The following MED14 variants were observed in gnomAD, a reference collection of about 807,000 sequenced individuals.
MED14 encodes the protein mediator complex subunit 14.
MED14 carries 8 observed loss-of-function variants against 109.0 expected under a neutral mutation model. That is an observed-to-expected ratio of 0.07 (90% CI 0.04 to 0.13). MED14 has a LOEUF of 0.13. MED14 is among the 10% of genes least tolerant of loss of function. MED14 has a pLI of 1.00. For synonymous variants in MED14, 399 were observed against 408.7 expected (o/e 0.98, Z 0.29); for missense variants, 711 against 1,142.4 (o/e 0.62, Z 5.44).
chrX:40,663,272 A>G, intron 25 of MED14, 112 bp from the exon 26 acceptor site: 1 of 602,557 alleles, frequency 1.7e-6, no homozygotes, highest in Non-Finnish European at 2.6e-6. Flanking sequence ...GTACTGTTTT[A>G]GTTACTCCTT....
Position 40,688,477 on chromosome X carries a change from G to A in MED14, c.2034C>T (p.Phe678=). ...ACTTTAATAAGCGAATTGCATGGCT[G>A]AAGCCATCACCTTCCACTTGCACTC... The part of the protein sequence containing the change: ...HQGVQVEGDG[F]SHAIRLLKIP... Residue 678 remains phenylalanine, a synonymous_variant, in exon 16 of 31, where the codon TTC becomes TTT. Coordinates refer to ENST00000324817, the MANE Select transcript of MED14 (RefSeq NM_004229.4). The A allele has an allele frequency of 8.3e-7, 1 of 1,206,819 alleles. No individual in the cohort carries two copies. The highest frequency in any genetic ancestry group is 1.1e-6 in the Non-Finnish European group (1 of 890,776).
At chrX:40,662,853 T>A in intron 26 of MED14, 72 bp downstream of exon 26, 1 of 797,740 alleles carries the variant, frequency 1.3e-6, no homozygotes. Context: ...TTAGTTCAGA[T>A]CCTATCCTGC....
At chrX:40,655,830 TAA>T (rs1244394174) in intron 28 of MED14, among the ~76,000 whole-genome samples, 1 of 111,157 alleles carries the variant, frequency 9.0e-6, no homozygotes, top group East Asian at 2.8e-4. Flanking sequence ...AAACGCTAAC[TAA>T]AAAAAGAGTG....
At position 40,735,300 on chromosome X, in the gene MED14, G is replaced by A; in HGVS notation, c.113C>T (p.Ala38Val). 1 of 1,129,187 alleles carries A rather than the reference G, an allele frequency of 8.9e-7. No individual in the cohort carries two copies. The highest frequency in any genetic ancestry group is 1.9e-5 in the African/African-American group (1 of 53,323). 93.1% of individuals were successfully genotyped at this position (1,129,187 alleles called of 1,213,427 possible). Residue 38 changes from alanine (A) to valine (V), a missense_variant, in exon 1 of 31, where the codon GCG (alanine) becomes GTG (valine). Transcript: ENST00000324817. ...PAPPPPGAAV[A>V]AAAAAAASPG... is the part of the protein sequence containing the mutation. ...GCTAGCCGCAGCTGCAGCGGCCGCCGCCACGGCGGCTCCCGGGGGAGGAGG... is the reference window on the plus strand; with the variant it reads ...GCTAGCCGCAGCTGCAGCGGCCGCCACCACGGCGGCTCCCGGGGGAGGAGG...
Position 40,697,087 on chromosome X carries a change from A to C in MED14, c.1587T>G (p.Pro529=). Reference sequence around the variant, plus strand: ...GTTTATTCTTAGAAAGGTTTCCAATAGGATGAGTTGAGTAATTGGAAAGCT... The same window carrying C: ...GTTTATTCTTAGAAAGGTTTCCAATCGGATGAGTTGAGTAATTGGAAAGCT... ...TLQLSNYSTH[P]IGNLSKNKLF... The change falls in exon 13 of 31, where the codon CCT becomes CCG. Residue 529 remains proline, a synonymous_variant. Transcript: ENST00000324817. The C allele has an allele frequency of 8.4e-7, 1 of 1,191,603 alleles. No individual in the cohort carries two copies.
chrX:40,652,698 G>A (rs1928918894), intron 30 of MED14, among the ~76,000 whole-genome samples: 1 of 111,968 alleles, frequency 8.9e-6, no homozygotes, highest in South Asian at 3.7e-4. Context: ...TTGTGGGTGG[G>A]GAGGGTGCTG....
At chrX:40,664,944 ACT>A (rs2146624860) in intron 24 of MED14, among the ~76,000 whole-genome samples, 2 of 111,354 alleles carry the variant, frequency 1.8e-5, no homozygotes, top group African/African-American at 6.5e-5. Flanking sequence ...ATGAACCAAG[ACT>A]CAAGTTTTGA....
intron 26 of MED14, among the ~76,000 whole-genome samples, chrX:40,660,849 T>C (rs1237236107): frequency 1.8e-5 from 2 of 113,168 alleles, no homozygotes; most frequent in Non-Finnish European, 3.7e-5. Flanking sequence ...CAAATCTTAG[T>C]ATGAAGGTTG....
At chrX:40,730,319 C>A (rs1389513107) in intron 1 of MED14, among the ~76,000 whole-genome samples, 2 of 112,000 alleles carry the variant, frequency 1.8e-5, no homozygotes, top group African/African-American at 3.3e-5. Flanking sequence ...TAGGTGGGGG[C>A]TGGAAGGGCC....
Position 40,735,468 on chromosome X carries a change from C to G in MED14, c.-56G>C, listed in dbSNP as rs1326604015. 6 of 1,059,749 alleles carry G rather than the reference C, an allele frequency of 5.7e-6. No individual in the cohort carries two copies. Among genetic ancestry groups the G allele is most frequent in the African/African-American group, 5.5e-5 (3 of 54,492 alleles). 87.3% of individuals were successfully genotyped at this position (1,059,749 alleles called of 1,213,427 possible). A position where few individuals can be genotyped will look rare whatever the true frequency, so the allele number is the denominator to read the frequency against. The stretch of plus-strand genomic sequence containing the variant: ...CACACGATGCGGTCCTCGAGCCTCC[C>G]GGGCGCTCGGTCACCGCGCCGAAAC... On this transcript the variant is annotated 5_prime_UTR_variant, in exon 1 of 31. Coordinates refer to ENST00000324817, the MANE Select transcript of MED14 (RefSeq NM_004229.4).
At position 40,649,436 on chromosome X, in the gene MED14, A is replaced by G. The variant is rs1189454885; in HGVS notation, c.*2370T>C. On this transcript the variant is annotated 3_prime_UTR_variant, in exon 31 of 31. Transcript: ENST00000324817. Reference sequence around the variant, plus strand: ...GAAATGGCATTTCAGCAGATGGAAAAATGAAGGTGGCAAATCAGGACCAAT... The same window carrying G: ...GAAATGGCATTTCAGCAGATGGAAAGATGAAGGTGGCAAATCAGGACCAAT... 5 of 209,739 alleles carry G rather than the reference A, an allele frequency of 2.4e-5. No homozygotes were observed. The East Asian group carries it at 1.2e-3, about 49-fold the overall frequency. The allele number at this position is 209,739 out of a possible 1,213,427, so 17.3% of individuals were successfully genotyped here.
intron 28 of MED14, among the ~76,000 whole-genome samples, chrX:40,658,619 G>A (rs1366111565): frequency 1.0e-5 from 1 of 100,444 alleles, no homozygotes; most frequent in African/African-American, 3.7e-5. Context: ...GGGAGGCCAA[G>A]GTGGGTGGAT....
In MED14 at chrX:40,691,607, C is replaced by CTTTTTTTTTTTTTTTT. The variant is rs36144185; in HGVS notation, c.1980+560_1980+575dup. Among the ~76,000 whole-genome samples the CTTTTTTTTTTTTTTTT allele has an allele frequency of 6.7e-5, 4 of 59,455 alleles. 1 individual carries two copies. Among genetic ancestry groups the CTTTTTTTTTTTTTTTT allele is most frequent in the Admixed American group, 5.2e-4 (2 of 3,841 alleles). The allele number at this position is 59,455 out of a possible 115,157, so 51.6% of individuals were successfully genotyped here. On this transcript the variant is annotated intron_variant, in intron 15 of 30. Transcript: ENST00000324817. ...CAGCCTGTCCACTTTTTCTTTTAATCTTTTTTTTTTTTTTTTTTTTTGGAG... is the reference window on the plus strand; with the variant it reads ...CAGCCTGTCCACTTTTTCTTTTAATCTTTTTTTTTTTTTTTTTTTTTTTTTTTTTTTTTTTTTGGAG...
chrX:40,726,491 T>C (rs1248554767), intron 3 of MED14: 2 of 230,029 alleles, frequency 8.7e-6, no homozygotes, highest in South Asian at 2.0e-4. Context: ...CTAACAATTT[T>C]CCCCCTTTAG....
chrX:40,736,109 A>C (rs1308760394), upstream of MED14, among the ~76,000 whole-genome samples: 1 of 111,938 alleles, frequency 8.9e-6, no homozygotes, highest in Non-Finnish European at 1.9e-5. Context: ...CTGGTTCTGG[A>C]ATCGCGAAGA....
intron 23 of MED14, among the ~76,000 whole-genome samples, chrX:40,668,729 T>C (rs903628988): frequency 8.9e-5 from 10 of 112,148 alleles, no homozygotes; most frequent in Admixed American, 1.9e-4. Context: ...CCTATACACA[T>C]ATATGATAAA....
intron 1 of MED14, among the ~76,000 whole-genome samples, chrX:40,731,634 TATA>T (rs1037599669): frequency 3.6e-5 from 4 of 112,532 alleles, no homozygotes; most frequent in African/African-American, 1.3e-4. Flanking sequence ...TCACAGTACA[TATA>T]ATTTCATACA....
chrX:40,700,522 G>A (rs903311383), intron 12 of MED14, among the ~76,000 whole-genome samples: 5 of 109,203 alleles, frequency 4.6e-5, no homozygotes, highest in Admixed American at 2.0e-4. Context: ...TTTAGATACC[G>A]CCCCCCCACC....
At chrX:40,705,579 A>C (rs1376899935) in intron 10 of MED14, among the ~76,000 whole-genome samples, 1 of 112,485 alleles carries the variant, frequency 8.9e-6, no homozygotes, top group African/African-American at 3.2e-5. Flanking sequence ...ACTTGCAAAG[A>C]AAATAAAGAA....
Sources: gnomAD v4.1 joint callset for allele counts (sites outside exome capture counted in the v4.1 genomes callset) on GRCh38, gnomAD v4.1.1 for gene constraint, MANE v1.5 for transcripts, NCBI Gene and HGNC (gene_info 2026-07-23, HGNC 2026-07-21) for gene names.